Variants in CCM2 observed in about 807,000 individuals in gnomAD.
CCM2 encodes CCM2 scaffold protein, also known as cerebral cavernous malformations 2 protein.
In CCM2, 25 loss-of-function variants were observed where a neutral mutation model predicts 44.9. That is an observed-to-expected ratio of 0.56 (90% CI 0.41 to 0.78). CCM2 has a LOEUF of 0.78. Among genes scored for constraint, CCM2 ranks in the 30% least tolerant of loss-of-function variants. The pLI is 0.00. For synonymous variants in CCM2, 219 were observed against 241.1 expected, an observed-to-expected ratio of 0.91 and a Z score of 0.85; for missense variants, 481 against 580.6, an observed-to-expected ratio of 0.83 and a Z score of 1.76.
At chr7:45,022,402 G>A (rs1796516240) in intron 1 of CCM2, among the ~76,000 whole-genome samples, 1 of 143,340 alleles carries the variant, frequency 7.0e-6, no homozygotes. Context: ...CGCCTCCCGG[G>A]TTCACGCCAT....
chr7:45,046,267 T>TA (rs1325670092), intron 2 of CCM2, among the ~76,000 whole-genome samples: 1 of 152,198 alleles, frequency 6.6e-6, no homozygotes, highest in Non-Finnish European at 1.5e-5. Context: ...GAAATTTAAA[T>TA]GGAGAGGCAA....
At chr7:45,000,510 G>A in intron 1 of CCM2, 147 bp downstream of exon 1, 1 of 588,260 alleles carries the variant, frequency 1.7e-6, no homozygotes, top group Non-Finnish European at 2.4e-6. Flanking sequence ...GCGAGACCCC[G>A]GACAATGGTC....
intron 1 of CCM2, among the ~76,000 whole-genome samples, chr7:45,020,238 T>TC (rs2128718416): frequency 6.6e-6 from 1 of 152,306 alleles, no homozygotes; most frequent in Non-Finnish European, 1.5e-5. Context: ...TTTTATTTCT[T>TC]GTTTGTCTCC....
Position 45,064,560 on chromosome 7 carries a change from A to G in CCM2, c.386A>G (p.Asp129Gly), listed in dbSNP as rs1258012062. The G allele has an allele frequency of 1.9e-6, 3 of 1,613,862 alleles. No homozygotes were observed. The highest frequency in any genetic ancestry group is 2.5e-6 in the Non-Finnish European group (3 of 1,180,030). ...NVKLAWRDGEDIILRVPIHDI... is the reference protein window; with the variant it reads ...NVKLAWRDGEGIILRVPIHDI... ...AAGCTGGCCTGGAGGGACGGGGAGG[A>G]TATCATCCTCAGGGTGCCCATCCAT... Residue 129 changes from aspartate to glycine, a missense_variant, in exon 4 of 10, where the codon GAT becomes GGT. By Grantham distance (94) the Asp-to-Gly change is moderately conservative (BLOSUM62 -1). Transcript: ENST00000258781.
chr7:45,057,312 G>A (rs544576294), intron 2 of CCM2, among the ~76,000 whole-genome samples: 214 of 152,200 alleles, frequency 1.4e-3, no homozygotes, highest in African/African-American at 4.7e-3. Context: ...ACAGGTGTGC[G>A]CCGCCACACC....
In CCM2 at chr7:45,051,195, A is replaced by C. The variant is rs115219669; in HGVS notation, c.205-12723A>C. On this transcript the variant is annotated intron_variant, in intron 2 of 9. Transcript: ENST00000258781. ...GGTCATGATTTCTGGAAACCTTTCC[A>C]GATGAACTACAGCCCTGACTACTTC... Among the ~76,000 whole-genome samples the C allele has an allele frequency of 5.4e-3, 824 of 152,284 alleles. 6 individuals are homozygous for C. Among genetic ancestry groups the C allele is most frequent in the African/African-American group, 0.018 (765 of 41,544 alleles).
At chr7:45,062,622 T>G (rs546770047) in intron 2 of CCM2, among the ~76,000 whole-genome samples, 1 of 152,174 alleles carries the variant, frequency 6.6e-6, no homozygotes, top group South Asian at 2.1e-4. Context: ...ATTGCTTAAG[T>G]CCAAGAGTTC....
intron 1 of CCM2, among the ~76,000 whole-genome samples, chr7:45,002,628 T>A (rs1186756002): frequency 2.0e-5 from 3 of 152,076 alleles, no homozygotes; most frequent in Non-Finnish European, 2.9e-5. Context: ...GCAGAGAACC[T>A]ATGGACCAAA....
At chr7:45,045,811 A>T (rs1347593851) in intron 2 of CCM2, among the ~76,000 whole-genome samples, 1 of 152,112 alleles carries the variant, frequency 6.6e-6, no homozygotes, top group Non-Finnish European at 1.5e-5. Flanking sequence ...AACAAAACAA[A>T]ACAAACTCAG....
chr7:45,009,318 A>AAAG (rs1554356439), intron 1 of CCM2, among the ~76,000 whole-genome samples: 5,255 of 108,552 alleles, frequency 0.048, 984 homozygotes, highest in African/African-American at 0.19. Flanking sequence ...AAAAAAAAAA[A>AAAG]AAAATTTTTG....
In CCM2 at chr7:45,038,293, G is replaced by A; in HGVS notation, c.71G>A (p.Gly24Asp). 2 of 1,614,188 alleles carry A rather than the reference G, an allele frequency of 1.2e-6. No individual in the cohort carries two copies. Among genetic ancestry groups the A allele is most frequent in the Non-Finnish European group, 1.7e-6 (2 of 1,180,042 alleles). Residue 24 changes from glycine to aspartate, a missense_variant, in exon 2 of 10, where the codon GGT (glycine) becomes GAT (aspartate). Coordinates refer to ENST00000258781, the MANE Select transcript of CCM2 (RefSeq NM_031443.4). ...CCATTTAAACGAGTATTCCTAAAAG[G>A]TGAAAAGAGTAGAGATAAGAAAGCC... The part of the protein sequence containing the change: ...VSPFKRVFLK[G>D]EKSRDKKAHE...
intron 2 of CCM2, among the ~76,000 whole-genome samples, chr7:45,042,682 C>G (rs1170801485): frequency 1.3e-5 from 2 of 152,264 alleles, no homozygotes; most frequent in East Asian, 3.9e-4. Flanking sequence ...ACTCCACACA[C>G]AGTGGGCCAA....
At chr7:45,022,625 T>C (rs935297509) in intron 1 of CCM2, among the ~76,000 whole-genome samples, 7 of 151,660 alleles carry the variant, frequency 4.6e-5, no homozygotes, top group African/African-American at 1.7e-4. Context: ...GAGTTTCTGA[T>C]GAATTGCTTT....
intron 2 of CCM2, chr7:45,043,670 T>A: frequency 2.6e-6 from 1 of 386,332 alleles, no homozygotes; most frequent in South Asian, 1.9e-5. Flanking sequence ...TTAACATTTC[T>A]TCAAATATTT....
intron 6 of CCM2, chr7:45,072,210 C>CTGT: frequency 3.0e-6 from 1 of 329,300 alleles, no homozygotes; most frequent in South Asian, 2.5e-5. Context: ...AGTGCCAGAC[C>CTGT]CTTTGCTGGT....
intron 1 of CCM2, among the ~76,000 whole-genome samples, chr7:45,015,036 A>G (rs547567220): frequency 1.2e-3 from 188 of 152,288 alleles, no homozygotes; most frequent in African/African-American, 4.5e-3. Context: ...TACATTTGCT[A>G]AAACAAGATG....
At position 45,048,607 on chromosome 7, in the gene CCM2, A is replaced by G. The variant is rs189375748; in HGVS notation, c.204+10181A>G. On this transcript the variant is annotated intron_variant, in intron 2 of 9. Coordinates refer to ENST00000258781, the MANE Select transcript of CCM2 (RefSeq NM_031443.4). ...GTGAAACCCCATCTCTACTAAAAATACAAAGATTAGCTGGATGTGGTGGTG... is the reference window on the plus strand; with the variant it reads ...GTGAAACCCCATCTCTACTAAAAATGCAAAGATTAGCTGGATGTGGTGGTG... Among the ~76,000 whole-genome samples the G allele has an allele frequency of 4.4e-3, 671 of 152,320 alleles. 5 individuals carry two copies. The highest frequency in any genetic ancestry group is 0.016 in the African/African-American group (647 of 41,576).
At chr7:45,010,618 A>G (rs905304606) in intron 1 of CCM2, among the ~76,000 whole-genome samples, 1 of 151,432 alleles carries the variant, frequency 6.6e-6, no homozygotes, top group Non-Finnish European at 1.5e-5. Context: ...TTTTTTTGAG[A>G]TGGAGTTTTG....
At chr7:45,001,761 GGAGA>G (rs144739122) in intron 1 of CCM2, among the ~76,000 whole-genome samples, 3 of 151,856 alleles carry the variant, frequency 2.0e-5, no homozygotes, top group African/African-American at 7.3e-5. Context: ...CAGCAAATAG[GGAGA>G]GAGAGAGAGA....
Sources: allele counts gnomAD v4.1 joint callset (sites outside exome capture counted in the v4.1 genomes callset), GRCh38; gene constraint gnomAD v4.1.1; transcripts MANE v1.5; gene names NCBI Gene and HGNC (gene_info 2026-07-23, HGNC 2026-07-21).